The following SLIT3 variants were observed in gnomAD, a reference collection of about 807,000 sequenced individuals.
SLIT3 encodes the protein slit homolog 3 protein.
Under a neutral mutation model 184.0 loss-of-function variants are expected in SLIT3, and 68 were observed. The observed-to-expected ratio is 0.37, with a 90% CI of 0.30 to 0.45. The LOEUF (loss-of-function observed/expected upper bound fraction) is 0.45. Ranked by LOEUF, SLIT3 falls within the 20% of genes least tolerant of loss-of-function variation. The pLI is 1.00. For synonymous variants in SLIT3, 831 were observed against 828.6 expected, an observed-to-expected ratio of 1.00 and a Z score of -0.05; for missense variants, 1,707 against 2,026.0, an observed-to-expected ratio of 0.84 and a Z score of 3.02.
rs557979396 is a variant in SLIT3, at chr5:168,692,673, T to G, written c.3110A>C (p.His1037Pro). Residue 1037 changes from histidine (H) to proline (P), a missense_variant, in exon 29 of 36, where the codon CAC becomes CCC. This residue lies in a region of SLIT3 where 1,307 missense variants were observed against 1,511.6 expected (regional missense o/e 0.86). Coordinates refer to ENST00000519560, the MANE Select transcript of SLIT3 (RefSeq NM_003062.4). Reference protein sequence around the residue: ...TGELCDEVIDHCVPELNLCQH... With the variant: ...TGELCDEVIDPCVPELNLCQH... ...ACAGAGGTTCAGCTCAGGCACACAG[T>G]GGTCAATCACCTCGTCGCATAGCTC... The G allele has an allele frequency of 1.2e-6, 2 of 1,613,956 alleles. No individual in the cohort carries two copies. The highest frequency in any genetic ancestry group is 2.2e-5 in the East Asian group (1 of 44,894).
chr5:168,745,391 C>T (rs114788305), intron 20 of SLIT3, among the ~76,000 whole-genome samples: 2,184 of 151,764 alleles, frequency 0.014, 57 homozygotes, highest in African/African-American at 0.05. Flanking sequence ...AAAGTAGTAG[C>T]AGGATTTGAG....
chr5:168,753,240 C>T, intron 17 of SLIT3, 142 bp from the exon 18 acceptor site: 1 of 822,286 alleles, frequency 1.2e-6, no homozygotes, highest in South Asian at 1.8e-5. Context: ...TCAGGTTTGT[C>T]CTGTGATAGC....
chr5:169,066,751 T>C (rs2113111837), intron 4 of SLIT3, among the ~76,000 whole-genome samples: 1 of 152,166 alleles, frequency 6.6e-6, no homozygotes, highest in South Asian at 2.1e-4. Context: ...AATTGAAATG[T>C]TGCTTACAAT....
chr5:168,755,348 G>C (rs1393401809), intron 16 of SLIT3, among the ~76,000 whole-genome samples: 1 of 147,724 alleles, frequency 6.8e-6, no homozygotes, highest in Non-Finnish European at 1.5e-5. Context: ...TATTGTATTT[G>C]CTTAAAGTGA....
intron 3 of SLIT3, among the ~76,000 whole-genome samples, chr5:169,239,114 C>T (rs1322802704): frequency 6.6e-6 from 1 of 152,102 alleles, no homozygotes; most frequent in African/African-American, 2.4e-5. Context: ...GTTTTGCTGT[C>T]CTAGTTTTTC....
At chr5:168,929,119 A>T (rs892611716) in intron 4 of SLIT3, among the ~76,000 whole-genome samples, 5 of 152,230 alleles carry the variant, frequency 3.3e-5, no homozygotes, top group African/African-American at 1.2e-4. Flanking sequence ...AATTGTGTCC[A>T]TTTCACAGAT....
intron 3 of SLIT3, among the ~76,000 whole-genome samples, chr5:169,206,306 C>G (rs1258515280): frequency 6.6e-6 from 1 of 152,082 alleles, no homozygotes; most frequent in Admixed American, 6.6e-5. Context: ...CTTTTAAGAC[C>G]CCCAAAACAA....
chr5:169,264,793 A>G (rs1221460288), intron 1 of SLIT3, among the ~76,000 whole-genome samples: 3 of 152,230 alleles, frequency 2.0e-5, no homozygotes, highest in African/African-American at 7.2e-5. Context: ...CATCTGTTAC[A>G]TAACCACATG....
intron 16 of SLIT3, among the ~76,000 whole-genome samples, chr5:168,755,448 T>TCCTTCCTTCCTTCC (rs1419173588): frequency 9.7e-6 from 1 of 102,664 alleles, no homozygotes; most frequent in East Asian, 2.9e-4. Context: ...TTTCTTTCTT[T>TCCTTCCTTCCTTCC]TTGAGACAGA....
intron 4 of SLIT3, among the ~76,000 whole-genome samples, chr5:169,020,640 G>A (rs979151404): frequency 3.9e-5 from 6 of 152,116 alleles, no homozygotes; most frequent in Non-Finnish European, 8.8e-5. Context: ...CTTAAACACA[G>A]AGCCTCCTTC....
chr5:169,122,596 A>G (rs1335354754), intron 4 of SLIT3, among the ~76,000 whole-genome samples: 1 of 152,206 alleles, frequency 6.6e-6, no homozygotes, highest in African/African-American at 2.4e-5. Flanking sequence ...TACAGATTGA[A>G]AAGAGGATGA....
At chr5:169,058,827 G>T (rs556244104) in intron 4 of SLIT3, among the ~76,000 whole-genome samples, 4 of 152,200 alleles carry the variant, frequency 2.6e-5, no homozygotes, top group Non-Finnish European at 4.4e-5. Context: ...TCAGAAGAAA[G>T]AATAAGATGC....
At chr5:169,101,293 T>C (rs1028074654) in intron 4 of SLIT3, among the ~76,000 whole-genome samples, 6 of 152,176 alleles carry the variant, frequency 3.9e-5, no homozygotes, top group African/African-American at 7.2e-5. Context: ...CCTTGAATGG[T>C]TCCTCTTCAC....
At chr5:168,829,003 T>C (rs1450770934) in intron 6 of SLIT3, among the ~76,000 whole-genome samples, 1 of 152,194 alleles carries the variant, frequency 6.6e-6, no homozygotes, top group Non-Finnish European at 1.5e-5. Context: ...CGGAGGTGGC[T>C]GTAACCACCT....
chr5:168,891,339 C>G (rs1296245681), intron 4 of SLIT3, among the ~76,000 whole-genome samples: 2 of 152,048 alleles, frequency 1.3e-5, no homozygotes, highest in African/African-American at 4.8e-5. Flanking sequence ...ACTCAGGAGC[C>G]CGGGGAGGCT....
At chr5:168,692,834 G>C in intron 28 of SLIT3, 134 bp from the exon 29 acceptor site, 1 of 629,456 alleles carries the variant, frequency 1.6e-6, no homozygotes, top group Non-Finnish European at 2.8e-6. Context: ...GGGCATGGAC[G>C]TCAGGAGTCC....
Position 169,207,374 on chromosome 5 carries a change from C to T in SLIT3, c.342-13824G>A, listed in dbSNP as rs62376887. Among the ~76,000 whole-genome samples the T allele has an allele frequency of 5.3e-3, 359 of 67,576 alleles. 2 individuals are homozygous for T. Among genetic ancestry groups the T allele is most frequent in the Middle Eastern group, 0.023 (3 of 128 alleles). The allele number at this position is 67,576 out of a possible 152,430, so 44.3% of individuals were successfully genotyped here. A position where few individuals can be genotyped will look rare whatever the true frequency, so the allele number is the denominator to read the frequency against. On this transcript the variant is annotated intron_variant, in intron 3 of 35. Coordinates refer to ENST00000519560, the MANE Select transcript of SLIT3 (RefSeq NM_003062.4). ...TCTGTTTTACATACACATACATACA[C>T]ACACACACACACACACACACACACA...
chr5:169,238,322 T>C (rs1765269632), intron 3 of SLIT3, among the ~76,000 whole-genome samples: 1 of 152,136 alleles, frequency 6.6e-6, no homozygotes. Context: ...AATTTATATG[T>C]TCTTAAATTC....
intron 1 of SLIT3, among the ~76,000 whole-genome samples, chr5:169,270,773 G>A (rs1766575912): frequency 6.6e-6 from 1 of 152,226 alleles, no homozygotes; most frequent in African/African-American, 2.4e-5. Context: ...TTCTCACTCT[G>A]CATCAGACTG....
Sources: gnomAD v4.1 joint callset for allele counts (sites outside exome capture counted in the v4.1 genomes callset) on GRCh38, gnomAD v4.1.1 for gene constraint, gnomAD v4.1.1 regional missense constraint, MANE v1.5 for transcripts, NCBI Gene and HGNC (gene_info 2026-07-23, HGNC 2026-07-21) for gene names.